The following SLIT3 variants were observed in gnomAD, a reference collection of about 807,000 sequenced individuals.
SLIT3 encodes the protein slit homolog 3 protein.
A neutral mutation model predicts 184.0 loss-of-function variants in SLIT3; 68 were observed. That is an observed-to-expected ratio of 0.37 (90% CI 0.30 to 0.45). SLIT3 has a LOEUF of 0.45. SLIT3 is among the 20% of genes least tolerant of loss of function. The pLI is 1.00. For missense variants in SLIT3, 1,707 were observed against 2,026.0 expected (o/e 0.84, Z 3.02); for synonymous variants, 831 against 828.6 (o/e 1.00, Z -0.05).
At chr5:168,917,704 T>C (rs915124663) in intron 4 of SLIT3, among the ~76,000 whole-genome samples, 2 of 152,178 alleles carry the variant, frequency 1.3e-5, no homozygotes, top group Non-Finnish European at 2.9e-5. Context: ...GTCCATATTA[T>C]CTCTAGAAGC....
At chr5:168,752,706 G>A in intron 18 of SLIT3, 1 of 489,078 alleles carries the variant, frequency 2.0e-6, no homozygotes, top group African/African-American at 1.9e-5. Flanking sequence ...TCCAGCTTGG[G>A]TTTTCAAATC....
At chr5:169,199,033 C>T (rs1240390032) in intron 3 of SLIT3, among the ~76,000 whole-genome samples, 1 of 151,520 alleles carries the variant, frequency 6.6e-6, no homozygotes, top group Non-Finnish European at 1.5e-5. Context: ...CACACACATA[C>T]ATACATATAC....
At chr5:168,801,365 A>G (rs1427249956) in intron 9 of SLIT3, among the ~76,000 whole-genome samples, 1 of 152,162 alleles carries the variant, frequency 6.6e-6, no homozygotes, top group African/African-American at 2.4e-5. Context: ...TAAGAATGGA[A>G]TATTTGCTAT....
At chr5:168,689,764 CTT>C (rs1761852580) in intron 29 of SLIT3, among the ~76,000 whole-genome samples, 1 of 152,168 alleles carries the variant, frequency 6.6e-6, no homozygotes, top group Non-Finnish European at 1.5e-5. Context: ...CTGTGTATCT[CTT>C]TGGCTAATAT....
intron 12 of SLIT3, among the ~76,000 whole-genome samples, chr5:168,778,735 G>T (rs1755855802): frequency 6.6e-6 from 1 of 152,228 alleles, no homozygotes. Context: ...AGAGATAACA[G>T]CAATAGCACA....
rs1211737983 is a variant in SLIT3, at chr5:168,696,299, G to C, written c.3075C>G (p.Asn1025Lys). Residue 1025 changes from asparagine to lysine, a missense_variant, in exon 28 of 36, where the codon AAC becomes AAG. By Grantham distance (94) the Asn-to-Lys change is moderately conservative. This residue lies in a region of SLIT3 where 1,307 missense variants were observed against 1,511.6 expected (regional missense o/e 0.86). Coordinates refer to ENST00000519560, the MANE Select transcript of SLIT3 (RefSeq NM_003062.4). ...CAGTCATGAGATCCTTACCTGTGTA[G>C]TTAGGCGGACAGATACACACGTAGT... is the stretch of plus-strand genomic sequence containing the variant. ...INNYVCICPP[N>K]YTGELCDEVI... 6.2e-7 allele frequency: 1 copy of C among 1,614,198 alleles called. No individual in the cohort carries two copies. The highest frequency in any genetic ancestry group is 1.1e-5 in the South Asian group (1 of 91,080).
chr5:169,102,942 T>G (rs1437913501), intron 4 of SLIT3, among the ~76,000 whole-genome samples: 1 of 152,222 alleles, frequency 6.6e-6, no homozygotes, highest in African/African-American at 2.4e-5. Flanking sequence ...TAAACTTGTT[T>G]TAACCTTCAG....
intron 5 of SLIT3, among the ~76,000 whole-genome samples, chr5:168,879,729 A>C (rs1469812226): frequency 6.6e-6 from 1 of 152,206 alleles, no homozygotes; most frequent in East Asian, 1.9e-4. Flanking sequence ...CACACAGAGA[A>C]GATGCTCTGT....
intron 4 of SLIT3, among the ~76,000 whole-genome samples, chr5:169,183,986 C>A (rs1763250912): frequency 6.6e-6 from 1 of 152,146 alleles, no homozygotes; most frequent in Non-Finnish European, 1.5e-5. Flanking sequence ...ACAAGTATTG[C>A]CCGATCACTT....
rs1296874902 is a variant in SLIT3, at chr5:168,746,442, GGGTGTGGC to G, written c.2270+1852_2270+1859del. ...TGAGTGTGGTGGTGTGTGGTGGTGTGGGTGTGGCAGTGTGTGGTGGTGTGCGGTGGTGT... is the reference window on the plus strand; with the variant it reads ...TGAGTGTGGTGGTGTGTGGTGGTGTGAGTGTGTGGTGGTGTGCGGTGGTGT... On this transcript the variant is annotated intron_variant, in intron 20 of 35. Coordinates refer to ENST00000519560, the MANE Select transcript of SLIT3 (RefSeq NM_003062.4). Among the ~76,000 whole-genome samples the G allele has an allele frequency of 3.9e-3, 465 of 120,480 alleles. 3 individuals are homozygous for G. Among genetic ancestry groups the G allele is most frequent in the Non-Finnish European group, 4.1e-3 (237 of 57,158 alleles). 79.0% of individuals were successfully genotyped at this position (120,480 alleles called of 152,430 possible). A position where few individuals can be genotyped will look rare whatever the true frequency, so the allele number is the denominator to read the frequency against.
intron 4 of SLIT3, among the ~76,000 whole-genome samples, chr5:169,065,937 C>G (rs1196429114): frequency 6.6e-6 from 1 of 152,176 alleles, no homozygotes; most frequent in East Asian, 1.9e-4. Context: ...GTGCCAGGTA[C>G]TATGTTTCAT....
chr5:168,932,759 G>A (rs527531812), intron 4 of SLIT3, among the ~76,000 whole-genome samples: 1 of 152,314 alleles, frequency 6.6e-6, no homozygotes, highest in Non-Finnish European at 1.5e-5. Context: ...GCCCCGTAGG[G>A]CTTCTGTGAG....
Position 168,880,768 on chromosome 5 carries a change from A to T in SLIT3, c.485+2497T>A, listed in dbSNP as rs568144123. Among the ~76,000 whole-genome samples the T allele has an allele frequency of 4.6e-4, 70 of 152,222 alleles. 2 individuals carry two copies. Among genetic ancestry groups the T allele is most frequent in the Non-Finnish European group, 2.5e-4 (17 of 68,042 alleles). On this transcript the variant is annotated intron_variant, in intron 5 of 35. Coordinates refer to ENST00000519560, the MANE Select transcript of SLIT3 (RefSeq NM_003062.4). ...ACACATGGAATTCATACATACTTCTATCAGACCGCCAAAACCATGCTTCTA... is the reference window on the plus strand; with the variant it reads ...ACACATGGAATTCATACATACTTCTTTCAGACCGCCAAAACCATGCTTCTA...
intron 4 of SLIT3, among the ~76,000 whole-genome samples, chr5:168,934,220 C>T (rs948980471): frequency 6.2e-4 from 94 of 152,282 alleles, no homozygotes; most frequent in African/African-American, 2.2e-3. Flanking sequence ...CATCAACTCC[C>T]CAAAGGAATA....
chr5:169,017,247 T>A (rs962817613), intron 4 of SLIT3, among the ~76,000 whole-genome samples: 3 of 152,144 alleles, frequency 2.0e-5, no homozygotes, highest in African/African-American at 7.2e-5. Flanking sequence ...GATAGGGAGA[T>A]CAGGCTGCTT....
intron 4 of SLIT3, among the ~76,000 whole-genome samples, chr5:169,026,031 A>C (rs1362245568): frequency 6.6e-6 from 1 of 152,138 alleles, no homozygotes; most frequent in African/African-American, 2.4e-5. Context: ...TCTTGCTGGC[A>C]TCCATTAGCC....
chr5:169,103,193 A>T (rs1760082049), intron 4 of SLIT3, among the ~76,000 whole-genome samples: 1 of 152,258 alleles, frequency 6.6e-6, no homozygotes. Flanking sequence ...AAGAATGGCT[A>T]GATAATATAT....
chr5:169,029,696 A>G (rs1228312806), intron 4 of SLIT3, among the ~76,000 whole-genome samples: 1 of 152,200 alleles, frequency 6.6e-6, no homozygotes, highest in Non-Finnish European at 1.5e-5. Context: ...GAAGTAGAAA[A>G]TCAATTTCAA....
At chr5:168,732,028 A>G (rs1317686465) in intron 20 of SLIT3, among the ~76,000 whole-genome samples, 1 of 152,160 alleles carries the variant, frequency 6.6e-6, no homozygotes, top group Non-Finnish European at 1.5e-5. Context: ...ATATGATCTT[A>G]TATCTAGAAA....
Sources: allele counts gnomAD v4.1 joint callset (sites outside exome capture counted in the v4.1 genomes callset), GRCh38; gene constraint gnomAD v4.1.1; regional missense constraint gnomAD v4.1.1; transcripts MANE v1.5; gene names NCBI Gene and HGNC (gene_info 2026-07-23, HGNC 2026-07-21).